SPON1: variants seen among roughly 807,000 people sequenced by gnomAD.
SPON1 encodes spondin 1, also known as spondin-1.
A neutral mutation model predicts 111.7 loss-of-function variants in SPON1; 52 were observed. That is an observed-to-expected ratio of 0.47 (90% confidence interval 0.37 to 0.59). SPON1 has a LOEUF of 0.59. Ranked by LOEUF, SPON1 falls within the 20% of genes least tolerant of loss-of-function variation. The probability of loss-of-function intolerance (pLI) is 0.00; values close to 1 mark genes in which losing one functional copy is unlikely to be tolerated. For missense variants in SPON1, 957 were observed against 1,068.5 expected (o/e 0.90, Z 1.46); for synonymous variants, 410 against 395.8 (o/e 1.04, Z -0.43).
Position 14,045,366 on chromosome 11 carries a change from C to G in SPON1, c.479+3712C>G, listed in dbSNP as rs570047843. On this transcript the variant is annotated intron_variant, in intron 3 of 15. Coordinates refer to ENST00000576479, the MANE Select transcript of SPON1 (RefSeq NM_006108.4). Reference sequence around the variant, plus strand: ...GAGAGGGGGGCAGATCGCCTGAGGTCGGGAGTTCGAGACCAGCCTGGCCAA... The same window carrying G: ...GAGAGGGGGGCAGATCGCCTGAGGTGGGGAGTTCGAGACCAGCCTGGCCAA... Among the ~76,000 whole-genome samples, 21 of 152,090 alleles carry G rather than the reference C, an allele frequency of 1.4e-4. No individual in the cohort carries two copies. In the South Asian group the frequency reaches 3.1e-3, roughly 23 times the overall value.
intron 6 of SPON1, among the ~76,000 whole-genome samples, chr11:14,188,687 G>T (rs1211053286): frequency 1.3e-5 from 2 of 152,074 alleles, no homozygotes; most frequent in South Asian, 2.1e-4. Context: ...AGCTTAGGGG[G>T]TTGAAGTCAG....
chr11:14,173,255 G>T (rs562228131), intron 6 of SPON1, among the ~76,000 whole-genome samples: 13 of 151,320 alleles, frequency 8.6e-5, no homozygotes, highest in African/African-American at 2.4e-4. Context: ...GTCTTCCATC[G>T]CTGATACCCT....
rs1564908158 is a variant in SPON1, at chr11:14,113,589, T to A, written c.677-21831T>A. Among the ~76,000 whole-genome samples the A allele has an allele frequency of 3.3e-4, 11 of 33,644 alleles. 1 individual carries two copies. The highest frequency in any genetic ancestry group is 1.1e-3 in the African/African-American group (9 of 8,062). The allele number at this position is 33,644 out of a possible 152,430, so 22.1% of individuals were successfully genotyped here. On this transcript the variant is annotated intron_variant, in intron 5 of 15. Coordinates refer to ENST00000576479, the MANE Select transcript of SPON1 (RefSeq NM_006108.4). ...TTAAATTTTTTTTTTTTTTTTTTTT[T>A]TTTTTTTTTTTTTTTTTTTTTTTTT...
In SPON1 at chr11:14,020,337, C is replaced by T. The variant is rs137880569; in HGVS notation, c.346-21184C>T. The stretch of plus-strand genomic sequence containing the variant: ...GTCTACAGGGGTACATCTGGCAGAG[C>T]TTTGAGCAGAATGAGGCTGTAAAAA... On this transcript the variant is annotated intron_variant, in intron 2 of 15. Coordinates refer to ENST00000576479, the MANE Select transcript of SPON1 (RefSeq NM_006108.4). 2.0e-3 allele frequency among the ~76,000 whole-genome samples: 298 copies of T among 152,292 alleles called. 2 individuals carry two copies. The highest frequency in any genetic ancestry group is 6.7e-3 in the African/African-American group (278 of 41,560).
chr11:14,200,271 T>C (rs1009887264), intron 6 of SPON1, among the ~76,000 whole-genome samples: 8 of 152,188 alleles, frequency 5.3e-5, no homozygotes, highest in Admixed American at 5.2e-4. Flanking sequence ...CTTTGGGTTA[T>C]CAATTGTTAA....
chr11:14,218,088 T>A (rs1050139075), intron 6 of SPON1, among the ~76,000 whole-genome samples: 9 of 152,208 alleles, frequency 5.9e-5, no homozygotes, highest in Non-Finnish European at 1.0e-4. Context: ...TGTATGATTA[T>A]CATATTCATA....
chr11:14,036,525 G>A (rs1471915533), intron 2 of SPON1, among the ~76,000 whole-genome samples: 2 of 152,120 alleles, frequency 1.3e-5, no homozygotes, highest in African/African-American at 4.8e-5. Context: ...TTATTAACAG[G>A]GTATATTTGA....
chr11:14,037,502 G>A (rs1250251038), intron 2 of SPON1, among the ~76,000 whole-genome samples: 3 of 147,234 alleles, frequency 2.0e-5, no homozygotes, highest in Non-Finnish European at 4.5e-5. Flanking sequence ...AACAAATGGT[G>A]CTGAAACAAC....
At chr11:14,163,905 T>C (rs1398765917) in intron 6 of SPON1, among the ~76,000 whole-genome samples, 3 of 151,662 alleles carry the variant, frequency 2.0e-5, no homozygotes, top group African/African-American at 7.3e-5. Flanking sequence ...CCCAGCACAG[T>C]TGTCCCCTTG....
At chr11:14,041,787 C>G in intron 3 of SPON1, 133 bp downstream of exon 3, 1 of 927,494 alleles carries the variant, frequency 1.1e-6, no homozygotes, top group East Asian at 2.6e-5. Flanking sequence ...TCTGAATTCT[C>G]AATAGCACCA....
intron 2 of SPON1, among the ~76,000 whole-genome samples, chr11:13,986,985 C>A (rs1848190536): frequency 6.6e-6 from 1 of 152,116 alleles, no homozygotes; most frequent in South Asian, 2.1e-4. Flanking sequence ...TGGGTTGGTT[C>A]CAACTTTTTG....
chr11:14,048,633 C>T (rs187801301), intron 3 of SPON1, among the ~76,000 whole-genome samples: 4 of 152,284 alleles, frequency 2.6e-5, no homozygotes, highest in East Asian at 1.9e-4. Context: ...TACAAATGAG[C>T]GACCCAGCAC....
chr11:14,225,571 G>C (rs1591417876), intron 6 of SPON1, among the ~76,000 whole-genome samples: 1 of 152,192 alleles, frequency 6.6e-6, no homozygotes, highest in South Asian at 2.1e-4. Flanking sequence ...GACGTGAATA[G>C]TCTTGAGTTT....
chr11:13,996,753 A>T (rs1182725658), intron 2 of SPON1, among the ~76,000 whole-genome samples: 2 of 152,000 alleles, frequency 1.3e-5, no homozygotes, highest in Non-Finnish European at 2.9e-5. Flanking sequence ...ATAATTTTTG[A>T]ACAGAATATT....
chr11:14,165,658 G>A (rs529717157), intron 6 of SPON1, among the ~76,000 whole-genome samples: 79 of 152,270 alleles, frequency 5.2e-4, no homozygotes, highest in African/African-American at 1.9e-3. Context: ...TTAGAATTTA[G>A]TCTAAACTGC....
chr11:13,978,689 G>A (rs953809291), intron 1 of SPON1, among the ~76,000 whole-genome samples: 1 of 152,164 alleles, frequency 6.6e-6, no homozygotes, highest in Non-Finnish European at 1.5e-5. Flanking sequence ...GGAAATCAGA[G>A]GAAACATCAC....
chr11:14,017,831 T>C (rs11601500), intron 2 of SPON1, among the ~76,000 whole-genome samples: 47,416 of 152,182 alleles, frequency 0.31, 8,280 homozygotes, highest in South Asian at 0.51. Flanking sequence ...TTGAAAAATA[T>C]GTGCATTCTG....
At chr11:14,010,936 C>T (rs1224016950) in intron 2 of SPON1, among the ~76,000 whole-genome samples, 2 of 152,324 alleles carry the variant, frequency 1.3e-5, no homozygotes, top group Admixed American at 1.3e-4. Flanking sequence ...CCTTGATAAA[C>T]GGCAATATAG....
chr11:14,078,551 A>G (rs1554921714), intron 4 of SPON1, among the ~76,000 whole-genome samples: 1 of 152,188 alleles, frequency 6.6e-6, no homozygotes, highest in Non-Finnish European at 1.5e-5. Context: ...AGACCTATCC[A>G]GATGAGGTCT....
Sources: gnomAD v4.1 joint callset for allele counts (sites outside exome capture counted in the v4.1 genomes callset) on GRCh38, gnomAD v4.1.1 for gene constraint, MANE v1.5 for transcripts, NCBI Gene and HGNC (gene_info 2026-07-23, HGNC 2026-07-21) for gene names.